Variants in ABCG5 observed in about 807,000 individuals in gnomAD.
The protein encoded by ABCG5 is ATP-binding cassette sub-family G member 5.
A neutral mutation model predicts 64.5 loss-of-function variants in ABCG5; 64 were observed. The ratio of observed to expected loss-of-function variants is 0.99; its 90% CI spans 0.81 to 1.22. ABCG5 has a LOEUF of 1.22. Among genes scored for constraint, ABCG5 ranks in the 50% most tolerant of loss-of-function variants. The pLI is 0.00. For missense variants in ABCG5, 908 were observed against 829.5 expected, an observed-to-expected ratio of 1.09 and a Z score of -1.16; for synonymous variants, 385 against 326.3, an observed-to-expected ratio of 1.18 and a Z score of -1.94.
intron 10 of ABCG5, 58 bp downstream of exon 10, chr2:43,822,739 C>G: frequency 6.2e-7 from 1 of 1,612,222 alleles, no homozygotes; most frequent in Non-Finnish European, 8.5e-7. Flanking sequence ...TGCACGAGTC[C>G]CACTAGCTCC....
In ABCG5 at chr2:43,838,361, T is replaced by A; in HGVS notation, c.143+176A>T. On this transcript the variant is annotated intron_variant, in intron 1 of 12. Coordinates refer to ENST00000405322, the MANE Select transcript of ABCG5 (RefSeq NM_022436.3). This position sits in a 1 kb window ranked among gnomAD's most constrained non-coding sequence, Gnocchi z 4.2. ...CTGGGCAGGGGGAGGGGCCATTCAC[T>A]GTCGCTCCATGTTTCCCAGCACAGC... 1 of 668,184 alleles carries A rather than the reference T, an allele frequency of 1.5e-6. No individual in the cohort carries two copies. The highest frequency in any genetic ancestry group is 2.5e-6 in the Non-Finnish European group (1 of 397,774). The allele number at this position is 668,184 out of a possible 1,614,324, so 41.4% of individuals were successfully genotyped here.
chr2:43,834,189 C>G (rs779174238), intron 2 of ABCG5, among the ~76,000 whole-genome samples: 5 of 152,230 alleles, frequency 3.3e-5, no homozygotes, highest in Admixed American at 1.3e-4. Flanking sequence ...GATTGTCTTT[C>G]AAAATGTGCC....
Position 43,838,437 on chromosome 2 carries a change from T to C in ABCG5, c.143+100A>G. 1 of 1,200,842 alleles carries C rather than the reference T, an allele frequency of 8.3e-7. No individual in the cohort carries two copies. Among genetic ancestry groups the C allele is most frequent in the African/African-American group, 1.5e-5 (1 of 65,632 alleles). 74.4% of individuals were successfully genotyped at this position (1,200,842 alleles called of 1,614,324 possible). ...GATCCACTAAAGAGGGAGCCCGAAG[T>C]GCCCAGACTGGCACTTAAAGAGTGA... On this transcript the variant is annotated intron_variant, in intron 1 of 12. Transcript: ENST00000405322. The surrounding 1 kb of genome is among the most constrained non-coding windows in gnomAD (Gnocchi z 4.2).
intron 2 of ABCG5, among the ~76,000 whole-genome samples, chr2:43,833,363 ATATTATTATTATTATTAT>A (rs67113914): frequency 6.2e-5 from 9 of 144,234 alleles, no homozygotes; most frequent in East Asian, 2.0e-4. Context: ...TTTTGTTGAA[ATATTATTATTATTATTAT>A]TATTATTATT....
intron 2 of ABCG5, 55 bp downstream of exon 2, chr2:43,837,779 A>T: frequency 6.2e-7 from 1 of 1,610,320 alleles, no homozygotes. Context: ...TGTTTCTTCA[A>T]TGTGGAGTTT....
intron 10 of ABCG5, 56 bp downstream of exon 10, chr2:43,822,741 A>G: frequency 6.2e-7 from 1 of 1,610,602 alleles, no homozygotes; most frequent in Non-Finnish European, 8.5e-7. Flanking sequence ...CACGAGTCCC[A>G]CTAGCTCCAT....
At position 43,813,146 on chromosome 2, in the gene ABCG5, G is replaced by C. The variant is rs756933364; in HGVS notation, c.1926C>G (p.Phe642Leu). 7.0e-7 allele frequency: 1 copy of C among 1,437,398 alleles called. No individual in the cohort carries two copies. The highest frequency in any genetic ancestry group is 9.8e-7 in the Non-Finnish European group (1 of 1,019,688). 89.0% of individuals were successfully genotyped at this position (1,437,398 alleles called of 1,614,324 possible). Residue 642 changes from phenylalanine to leucine, a missense_variant, in exon 13 of 13, where the codon TTC becomes TTG. Phe to Leu is a conservative substitution (Grantham distance 22). Transcript: ENST00000405322. ...TGCTAATGAGATGATCCCTTATTTT[G>C]AAAACAACTATTCCTAGGATGACAA... ...PALVILGIVV[F>L]KIRDHLISR
rs374254631 is a variant in ABCG5 at position 43,814,462 on chromosome 2, A to G, written c.1762+15T>C. 2 of 1,531,654 alleles carry G rather than the reference A, an allele frequency of 1.3e-6. No individual in the cohort carries two copies. The highest frequency in any genetic ancestry group is 1.8e-6 in the Non-Finnish European group (2 of 1,105,428). The allele number at this position is 1,531,654 out of a possible 1,614,324, so 94.9% of individuals were successfully genotyped here. A position where few individuals can be genotyped will look rare whatever the true frequency, so the allele number is the denominator to read the frequency against. On this transcript the variant is annotated intron_variant, in intron 12 of 12. Coordinates refer to ENST00000405322, the MANE Select transcript of ABCG5 (RefSeq NM_022436.3). ...AGTAACATGCAAAAATAATATCCCC[A>G]AATAGAATACTTACCACAAGTGAAA...
At chr2:43,826,805 A>T (rs1411002573) in intron 5 of ABCG5, among the ~76,000 whole-genome samples, 1 of 152,172 alleles carries the variant, frequency 6.6e-6, no homozygotes, top group Non-Finnish European at 1.5e-5. Context: ...TGCTCAGGGC[A>T]CCCTGTCAGG....
rs539221160 is a variant in ABCG5 at position 43,814,359 on chromosome 2, C to CA, written c.1762+117dup. On this transcript the variant is annotated intron_variant, in intron 12 of 12. Transcript: ENST00000405322. ...GAAAATGTTGGACTGTATTTCAAAA[C>CA]AGAGTTTTAAATTGAATTATTATAA... The CA allele has an allele frequency of 5.4e-4, 391 of 720,126 alleles. No individual in the cohort carries two copies. In the African/African-American group the frequency reaches 6.5e-3, roughly 12 times the overall value. The allele number at this position is 720,126 out of a possible 1,614,324, so 44.6% of individuals were successfully genotyped here.
chr2:43,824,461 C>A lies in ABCG5; in HGVS notation c.905-29G>T, dbSNP rs187858673. 3.1e-6 allele frequency: 5 copies of A among 1,611,424 alleles called. No individual in the cohort carries two copies. In the African/African-American group the frequency reaches 5.3e-5, roughly 17 times the overall value. ...AAAGTTTTTCCCAAAAGATGTCACCCATGTGTTTTTAAATGCATGTATGTA... is the reference window on the plus strand; with the variant it reads ...AAAGTTTTTCCCAAAAGATGTCACCAATGTGTTTTTAAATGCATGTATGTA... On this transcript the variant is annotated intron_variant, in intron 7 of 12. Coordinates refer to ENST00000405322, the MANE Select transcript of ABCG5 (RefSeq NM_022436.3).
In ABCG5 at chr2:43,838,037, C is replaced by T. The variant is rs1196066185; in HGVS notation, c.144-82G>A. ...CCCAGGTCCCCAGCATTGATCCTAC[C>T]TGTGCCCCACCCCAGTAGTCTCCGG... On this transcript the variant is annotated intron_variant, in intron 1 of 12. Coordinates refer to ENST00000405322, the MANE Select transcript of ABCG5 (RefSeq NM_022436.3). The surrounding 1 kb of genome is among the most constrained non-coding windows in gnomAD (Gnocchi z 4.2). 1.9e-6 allele frequency: 3 copies of T among 1,586,790 alleles called. No homozygotes were observed. The highest frequency in any genetic ancestry group is 1.7e-5 in the Admixed American group (1 of 58,938).
intron 2 of ABCG5, among the ~76,000 whole-genome samples, chr2:43,836,239 C>A (rs1456655700): frequency 6.6e-6 from 1 of 151,982 alleles, no homozygotes; most frequent in African/African-American, 2.4e-5. Context: ...CCGTGCCCGG[C>A]CTGGGAATTC....
Position 43,824,020 on chromosome 2 carries a change from C to T in ABCG5, c.1217G>A (p.Arg406Gln), listed in dbSNP as rs375364242. The change falls in exon 9 of 13, where the codon CGG becomes CAG. Residue 406 changes from arginine (R) to glutamine (Q), a missense_variant. Arg to Gln is a conservative substitution (Grantham distance 43, BLOSUM62 1). Transcript: ENST00000405322. Reference sequence around the variant, plus strand: ...ACCCTTTAGCACATTGCTTCGGACCCGCAGAACGAAGAAAAGGAGGAACAA... The same window carrying T: ...ACCCTTTAGCACATTGCTTCGGACCTGCAGAACGAAGAAAAGGAGGAACAA... ...MGLFLLFFVL[R>Q]VRSNVLKGAI... 15 of 1,614,034 alleles carry T rather than the reference C, an allele frequency of 9.3e-6. No individual in the cohort carries two copies. Among genetic ancestry groups the T allele is most frequent in the Admixed American group, 3.3e-5 (2 of 60,002 alleles).
chr2:43,835,801 C>T (rs957295759), intron 2 of ABCG5, among the ~76,000 whole-genome samples: 2 of 152,182 alleles, frequency 1.3e-5, no homozygotes, highest in Non-Finnish European at 2.9e-5. Flanking sequence ...TCACCAGACA[C>T]TGAATCTGTT....
At chr2:43,815,196 A>G (rs1478870401) in intron 11 of ABCG5, among the ~76,000 whole-genome samples, 1 of 152,226 alleles carries the variant, frequency 6.6e-6, no homozygotes, top group Non-Finnish European at 1.5e-5. Flanking sequence ...TCATTGTGAA[A>G]ATGAAATATG....
chr2:43,810,552 G>T, downstream of ABCG5: 1 of 977,382 alleles, frequency 1.0e-6, no homozygotes. Flanking sequence ...GATTAAAAAT[G>T]ATTTATTCTA....
chr2:43,820,813 C>T (rs187995726), intron 10 of ABCG5, among the ~76,000 whole-genome samples: 76 of 152,228 alleles, frequency 5.0e-4, no homozygotes, highest in African/African-American at 1.7e-3. Flanking sequence ...ACCACCACAC[C>T]CAGCTAATTT....
chr2:43,836,622 C>G (rs1668284608), intron 2 of ABCG5, among the ~76,000 whole-genome samples: 1 of 152,098 alleles, frequency 6.6e-6, no homozygotes, highest in African/African-American at 2.4e-5. Flanking sequence ...CCACAGGGAC[C>G]CTCCCAGGGA....
Sources: allele counts gnomAD v4.1 joint callset (sites outside exome capture counted in the v4.1 genomes callset), GRCh38; gene constraint gnomAD v4.1.1; non-coding constraint Gnocchi (gnomAD v3.1); transcripts MANE v1.5; gene names NCBI Gene and HGNC (gene_info 2026-07-23, HGNC 2026-07-21).